Variants in DNAH3 observed in about 807,000 individuals in gnomAD.
The protein encoded by DNAH3 is dynein axonemal heavy chain 3.
In DNAH3, 332 loss-of-function variants were observed where a neutral mutation model predicts 432.5. The observed-to-expected ratio is 0.77, with a 90% confidence interval of 0.70 to 0.84. The LOEUF (loss-of-function observed/expected upper bound fraction) is 0.84, where lower values mean the gene tolerates loss of function less well. Among genes scored for constraint, DNAH3 ranks in the 40% least tolerant of loss-of-function variants. The pLI is 0.00. For missense variants in DNAH3, 4,861 were observed against 5,114.0 expected (o/e 0.95, Z 1.51); for synonymous variants, 1,956 against 1,900.2 (o/e 1.03, Z -0.76).
rs550751786 is a variant in DNAH3, at chr16:21,025,999, A to G, written c.5540+1028T>C. On this transcript the variant is annotated intron_variant, in intron 38 of 61. Transcript: ENST00000261383. ...GGTGATCTGCCCGCCTCGGCCTCCC[A>G]AAGTGCTGGGATTACAGCATAAGTC... is the stretch of plus-strand genomic sequence containing the variant. Among the ~76,000 whole-genome samples the G allele has an allele frequency of 1.4e-4, 22 of 152,222 alleles. No homozygotes were observed. The East Asian group carries it at 3.9e-3, about 27-fold the overall frequency.
intron 41 of DNAH3, 103 bp downstream of exon 41, chr16:21,019,521 T>A: frequency 3.0e-6 from 4 of 1,351,306 alleles, no homozygotes; most frequent in Non-Finnish European, 4.1e-6. Flanking sequence ...CCTGGCCTTC[T>A]GTGGCTTTTG....
At chr16:21,134,171 T>C in intron 7 of DNAH3, 88 bp downstream of exon 8, 1 of 1,304,538 alleles carries the variant, frequency 7.7e-7, no homozygotes, top group Non-Finnish European at 1.1e-6. Flanking sequence ...CTGTCAGGGC[T>C]ACCCCCACTG....
intron 7 of DNAH3, among the ~76,000 whole-genome samples, chr16:21,129,800 C>T (rs967147175): frequency 1.2e-4 from 18 of 151,826 alleles, no homozygotes; most frequent in African/African-American, 3.9e-4. Flanking sequence ...ACAGGGGTAG[C>T]GGGGAGGTTT....
At chr16:20,948,882 T>C (rs1270536989) in intron 56 of DNAH3, among the ~76,000 whole-genome samples, 2 of 152,050 alleles carry the variant, frequency 1.3e-5, no homozygotes, top group Non-Finnish European at 2.9e-5. Context: ...CACTTGAATG[T>C]TGCCTTTTCC....
chr16:21,048,585 C>T (rs1290680432), intron 31 of DNAH3, among the ~76,000 whole-genome samples: 2 of 152,182 alleles, frequency 1.3e-5, no homozygotes, highest in Non-Finnish European at 2.9e-5. Context: ...CTGGCACTCC[C>T]GAGTGAGATG....
At chr16:21,100,196 C>A (rs892926753) in intron 16 of DNAH3, among the ~76,000 whole-genome samples, 3 of 152,128 alleles carry the variant, frequency 2.0e-5, no homozygotes, top group Non-Finnish European at 4.4e-5. Context: ...CACAGCCTCC[C>A]AAGTAGCTGA....
At chr16:21,150,163 T>C (rs556594729) in intron 1 of DNAH3, 127 bp downstream of exon 2, 18 of 369,718 alleles carry the variant, frequency 4.9e-5, no homozygotes, top group African/African-American at 3.1e-4. Context: ...AGGCGGAGGT[T>C]GCAGTGAGCC....
intron 44 of DNAH3, 49 bp downstream of exon 44, chr16:20,997,234 C>A: frequency 6.3e-7 from 1 of 1,588,262 alleles, no homozygotes; most frequent in South Asian, 1.2e-5. Context: ...GGTGGCCCAG[C>A]TCTGCTGGGG....
intron 1 of DNAH3, chr16:21,158,893 A>G (rs2092924503): frequency 5.8e-6 from 1 of 172,690 alleles, no homozygotes; most frequent in Non-Finnish European, 1.2e-5. Flanking sequence ...CCCCGGGGTT[A>G]GTGTAAGGGG....
chr16:21,083,610 G>T (rs988198506), intron 19 of DNAH3, among the ~76,000 whole-genome samples: 7 of 152,206 alleles, frequency 4.6e-5, no homozygotes, highest in African/African-American at 1.4e-4. Flanking sequence ...TTCTACCTAC[G>T]TTCTGTAAAT....
intron 3 of DNAH3, among the ~76,000 whole-genome samples, chr16:21,141,716 A>G (rs2152829511): frequency 6.6e-6 from 1 of 152,290 alleles, no homozygotes; most frequent in South Asian, 2.1e-4. Context: ...CTGTTATATT[A>G]CTGTTTAATA....
intron 1 of DNAH3, among the ~76,000 whole-genome samples, chr16:21,156,858 A>C (rs2092900788): frequency 6.6e-6 from 1 of 152,146 alleles, no homozygotes; most frequent in South Asian, 2.1e-4. Context: ...AAAATGCCAG[A>C]GGTGGAAGGA....
chr16:21,042,646 G>A (rs536396057), intron 31 of DNAH3, among the ~76,000 whole-genome samples: 1 of 151,414 alleles, frequency 6.6e-6, no homozygotes, highest in South Asian at 2.1e-4. Context: ...TTACTAGATC[G>A]CAACAGTCTA....
chr16:21,067,252 T>C (rs1480507511), intron 24 of DNAH3, 31 bp downstream of exon 24: 6 of 1,612,616 alleles, frequency 3.7e-6, no homozygotes, highest in Non-Finnish European at 5.1e-6. Context: ...GGCAAGAATG[T>C]AATTCCAAAT....
rs554732253 is a variant in DNAH3, at chr16:21,127,670, G to A, written c.1208+17C>T. 6.2e-7 allele frequency: 1 copy of A among 1,613,516 alleles called. No individual in the cohort carries two copies. Among genetic ancestry groups the A allele is most frequent in the South Asian group, 1.1e-5 (1 of 91,014 alleles). On this transcript the variant is annotated intron_variant, in intron 8 of 61. Coordinates refer to ENST00000261383, the Ensembl canonical transcript of DNAH3. ...AAGATACCATGGTGCAGCCCCACTT[G>A]GAGGGCAGATACTGACTTGTTGAGA...
chr16:21,153,302 A>G (rs938320945), intron 1 of DNAH3, among the ~76,000 whole-genome samples: 9 of 152,194 alleles, frequency 5.9e-5, no homozygotes, highest in African/African-American at 2.2e-4. Flanking sequence ...TGTCTAGCTC[A>G]GGGTCTGTGA....
At chr16:20,979,454 G>T in exon 50 of DNAH3, 1 of 1,614,088 alleles carries the variant, frequency 6.2e-7, no homozygotes, top group Non-Finnish European at 8.5e-7. Flanking sequence ...GTAGGAGGTG[G>T]GGGTAACATA....
rs1392903933 is a variant in DNAH3, at chr16:21,024,558, G to A, written c.5646+38C>T. 5 of 1,460,210 alleles carry A rather than the reference G, an allele frequency of 3.4e-6. No homozygotes were observed. The East Asian group carries it at 9.5e-5, about 28-fold the overall frequency. The allele number at this position is 1,460,210 out of a possible 1,614,324, so 90.5% of individuals were successfully genotyped here. A position where few individuals can be genotyped will look rare whatever the true frequency, so the allele number is the denominator to read the frequency against. The stretch of plus-strand genomic sequence containing the variant: ...AGACCCTCGAGATGAAAAGCAGGGA[G>A]ACAGCAGGAGGGGAAGGAAAGGGTC... On this transcript the variant is annotated intron_variant, in intron 39 of 61. Transcript: ENST00000261383.
At chr16:21,104,586 T>C in intron 15 of DNAH3, 2 of 1,570,836 alleles carry the variant, frequency 1.3e-6, no homozygotes. Flanking sequence ...TTCAATTTGA[T>C]GTCCTCATCT....
Sources: allele counts gnomAD v4.1 joint callset (sites outside exome capture counted in the v4.1 genomes callset), GRCh38; gene constraint gnomAD v4.1.1; transcripts MANE v1.5; gene names NCBI Gene and HGNC (gene_info 2026-07-23, HGNC 2026-07-21).